Variants in OSBPL6 observed in about 807,000 individuals in gnomAD.
OSBPL6 encodes the protein oxysterol binding protein like 6.
Under a neutral mutation model 125.8 loss-of-function variants are expected in OSBPL6, and 49 were observed. The ratio of observed to expected loss-of-function variants is 0.39; its 90% confidence interval spans 0.31 to 0.49. The LOEUF (loss-of-function observed/expected upper bound fraction) is 0.49. Ranked by LOEUF, OSBPL6 falls within the 20% of genes least tolerant of loss-of-function variation. The pLI is 0.88. For missense variants in OSBPL6, 986 were observed against 1,135.4 expected, an observed-to-expected ratio of 0.87 and a Z score of 1.89; for synonymous variants, 394 against 391.8, an observed-to-expected ratio of 1.01 and a Z score of -0.07.
chr2:178,392,561 A>ATAT (rs758775642), intron 23 of OSBPL6, 23 bp downstream of exon 23: 1 of 1,612,696 alleles, frequency 6.2e-7, no homozygotes, highest in Non-Finnish European at 8.5e-7. Flanking sequence ...GTGGTATTTA[A>ATAT]TATGCAGACT....
At chr2:178,264,082 T>C (rs2092153572) in intron 1 of OSBPL6, among the ~76,000 whole-genome samples, 2 of 152,110 alleles carry the variant, frequency 1.3e-5, no homozygotes, top group Admixed American at 1.3e-4. Flanking sequence ...GACACTACCC[T>C]AACTTCCTTG....
chr2:178,391,319 A>C (rs1280817471), intron 22 of OSBPL6, 102 bp downstream of exon 22: 1 of 1,285,868 alleles, frequency 7.8e-7, no homozygotes, highest in East Asian at 2.6e-5. Flanking sequence ...TGTTTCCTTT[A>C]AGAGTGAGAT....
At chr2:178,278,997 CCATGGCCCACATATGTGAGAAAATGAT>C (rs548983067) in intron 1 of OSBPL6, among the ~76,000 whole-genome samples, 2 of 152,262 alleles carry the variant, frequency 1.3e-5, no homozygotes, top group South Asian at 4.1e-4. Flanking sequence ...TGAAATAAAA[CCATGGCCCACATATGTGAGAAAATGAT>C]CAAAAGTGTC....
intron 1 of OSBPL6, among the ~76,000 whole-genome samples, chr2:178,237,689 A>G (rs934990447): frequency 3.3e-5 from 5 of 152,192 alleles, no homozygotes; most frequent in Non-Finnish European, 7.3e-5. Flanking sequence ...GATGTTCAGC[A>G]GCAACCCTGG....
Position 178,373,920 on chromosome 2 carries a change from T to C in OSBPL6, c.1426T>C (p.Leu476=), listed in dbSNP as rs767402290. 5 of 1,614,012 alleles carry C rather than the reference T, an allele frequency of 3.1e-6. No homozygotes were observed. The Admixed American group carries it at 8.3e-5, about 27-fold the overall frequency. The change falls in exon 15 of 25, where the codon TTA becomes CTA. Residue 476 remains leucine (L), a synonymous_variant. Coordinates refer to ENST00000190611, the MANE Select transcript of OSBPL6 (RefSeq NM_032523.4). ...TGAGCAAATCCATGTCAGTCTCCCC[T>C]TATCACAGCAAGTAGCCAATGAGAG... is the stretch of plus-strand genomic sequence containing the variant. ...AGEQIHVSLP[L]SQQVANESRL... is the part of the protein sequence containing the mutation.
chr2:178,218,633 CTT>C (rs10699137), intron 1 of OSBPL6, among the ~76,000 whole-genome samples: 2 of 137,386 alleles, frequency 1.5e-5, no homozygotes, highest in Non-Finnish European at 1.5e-5. Flanking sequence ...TTCTTTCTTT[CTT>C]TTTTTTTTTT....
intron 1 of OSBPL6, among the ~76,000 whole-genome samples, chr2:178,198,656 A>AAATC (rs1201200343): frequency 6.6e-6 from 1 of 151,304 alleles, no homozygotes; most frequent in African/African-American, 2.4e-5. Flanking sequence ...ATAAATAAAT[A>AAATC]AGAGAACTGC....
intron 1 of OSBPL6, among the ~76,000 whole-genome samples, chr2:178,258,597 T>C (rs933214429): frequency 3.9e-5 from 6 of 152,174 alleles, no homozygotes; most frequent in Non-Finnish European, 7.4e-5. Context: ...TTTTAAGAAG[T>C]TTACCTATAC....
chr2:178,391,208 T>C lies in OSBPL6; in HGVS notation c.2437T>C (p.Trp813Arg), dbSNP rs1695376055. ...TGTGGCCCCCTCTGCAAAGTGCATT[T>C]GGAGACCAGGTGAGAGTGGCCTGAG... Reference protein sequence around the residue: ...CGVAPSAKCIWRPGSMPTNYE... With the variant: ...CGVAPSAKCIRRPGSMPTNYE... Residue 813 changes from tryptophan to arginine, a missense_variant, in exon 22 of 25, where the codon TGG (tryptophan) becomes CGG (arginine). This residue lies in a region of OSBPL6 where 843 missense variants were observed against 997.3 expected (regional missense o/e 0.85). Coordinates refer to ENST00000190611, the MANE Select transcript of OSBPL6 (RefSeq NM_032523.4). The C allele has an allele frequency of 6.2e-7, 1 of 1,606,114 alleles. No individual in the cohort carries two copies. Among genetic ancestry groups the C allele is most frequent in the African/African-American group, 1.3e-5 (1 of 74,624 alleles).
intron 1 of OSBPL6, among the ~76,000 whole-genome samples, chr2:178,208,238 A>G (rs1427279145): frequency 6.6e-6 from 1 of 151,656 alleles, no homozygotes; most frequent in African/African-American, 2.4e-5. Context: ...ATGAGCCAAG[A>G]TCGTGCCACT....
intron 3 of OSBPL6, among the ~76,000 whole-genome samples, chr2:178,310,603 G>C (rs1574833413): frequency 6.6e-6 from 1 of 151,790 alleles, no homozygotes; most frequent in Non-Finnish European, 1.5e-5. Flanking sequence ...ATTTTTAGTA[G>C]AGACAGGGTT....
At chr2:178,255,407 T>A (rs1285765136) in intron 1 of OSBPL6, among the ~76,000 whole-genome samples, 1 of 152,234 alleles carries the variant, frequency 6.6e-6, no homozygotes, top group Non-Finnish European at 1.5e-5. Flanking sequence ...TTCTTCACTA[T>A]CACGAGAACA....
In OSBPL6 at chr2:178,305,117, C is replaced by T. The variant is rs535952481; in HGVS notation, c.-155-913C>T. Among the ~76,000 whole-genome samples the T allele has an allele frequency of 1.4e-4, 22 of 152,312 alleles. No homozygotes were observed. In the South Asian group the frequency reaches 3.5e-3, roughly 24 times the overall value. On this transcript the variant is annotated intron_variant, in intron 2 of 24. Transcript: ENST00000190611. ...ACAAGTGTTCTGGTGTTCTGTACTT[C>T]CTCCAAGAAGATATTAGCATTAAGA...
chr2:178,292,320 C>T (rs1685360302), intron 2 of OSBPL6, among the ~76,000 whole-genome samples: 1 of 152,072 alleles, frequency 6.6e-6, no homozygotes, highest in African/African-American at 2.4e-5. Flanking sequence ...TAAAATTTTA[C>T]TTTATTCACT....
chr2:178,327,110 G>T (rs778687424), intron 4 of OSBPL6, among the ~76,000 whole-genome samples: 2 of 149,338 alleles, frequency 1.3e-5, no homozygotes, highest in Admixed American at 1.3e-4. Context: ...CACCACTAAA[G>T]AACTTATTCA....
intron 1 of OSBPL6, among the ~76,000 whole-genome samples, chr2:178,198,813 C>G (rs1040694832): frequency 6.6e-6 from 1 of 152,102 alleles, no homozygotes. Context: ...TAAAAACTCA[C>G]CACATATTGC....
In OSBPL6 at chr2:178,361,687, T is replaced by A; in HGVS notation, c.1159T>A (p.Ser387Thr). 3 of 1,613,822 alleles carry A rather than the reference T, an allele frequency of 1.9e-6. No individual in the cohort carries two copies. The highest frequency in any genetic ancestry group is 2.5e-6 in the Non-Finnish European group (3 of 1,179,790). Residue 387 changes from serine to threonine, a missense_variant, in exon 13 of 25, where the codon TCT becomes ACT. Physicochemically the swap from Ser to Thr is moderately conservative, Grantham distance 58. Around this residue, in one of 3 missense-constraint regions of OSBPL6, gnomAD observed 843 missense variants for 997.3 expected, o/e 0.85. Transcript: ENST00000190611. ...EFCLIAQKVHSLLKSAFNSIA... is the reference protein window; with the variant it reads ...EFCLIAQKVHTLLKSAFNSIA... ...TCACTTTTCTCCCCACCCAGTGCAT[T>A]CTCTTTTGAAGTCTGCATTTAATAG...
intron 1 of OSBPL6, among the ~76,000 whole-genome samples, chr2:178,234,285 G>A (rs191433960): frequency 6.6e-6 from 1 of 152,200 alleles, no homozygotes. Context: ...TCCAATTCAG[G>A]TTGTCATCAT....
intron 15 of OSBPL6, among the ~76,000 whole-genome samples, chr2:178,375,428 T>C (rs1184548293): frequency 2.6e-5 from 4 of 152,058 alleles, no homozygotes; most frequent in Non-Finnish European, 5.9e-5. Context: ...TGTTTTTGTT[T>C]GTTTTTGTTT....
Sources: allele counts gnomAD v4.1 joint callset (sites outside exome capture counted in the v4.1 genomes callset), GRCh38; gene constraint gnomAD v4.1.1; regional missense constraint gnomAD v4.1.1; transcripts MANE v1.5; gene names NCBI Gene and HGNC (gene_info 2026-07-23, HGNC 2026-07-21).